SLC7A8: variants seen among roughly 807,000 people sequenced by gnomAD.
The protein encoded by SLC7A8 is solute carrier family 7 member 8.
Under a neutral mutation model 51.2 loss-of-function variants are expected in SLC7A8, and 30 were observed. That is an observed-to-expected ratio of 0.59 (90% CI 0.44 to 0.80). SLC7A8 has a LOEUF of 0.80. SLC7A8 is among the 30% of genes least tolerant of loss of function. The pLI is 0.00. For synonymous variants in SLC7A8, 257 were observed against 275.8 expected, an observed-to-expected ratio of 0.93 and a Z score of 0.67; for missense variants, 612 against 674.4, an observed-to-expected ratio of 0.91 and a Z score of 1.03.
intron 4 of SLC7A8, 61 bp downstream of exon 4, chr14:23,143,018 A>C: frequency 6.3e-7 from 1 of 1,589,400 alleles, no homozygotes; most frequent in Non-Finnish European, 8.6e-7. Context: ...CTGGGCTGAG[A>C]GGGTGTGTAC....
chr14:23,133,074 C>G (rs1348900388), intron 7 of SLC7A8, among the ~76,000 whole-genome samples: 4 of 152,298 alleles, frequency 2.6e-5, no homozygotes, highest in South Asian at 2.1e-4. Context: ...CCACGCCCAG[C>G]CTGCATATTT....
At chr14:23,179,816 A>G (rs72684352) in intron 1 of SLC7A8, among the ~76,000 whole-genome samples, 4,270 of 152,234 alleles carry the variant, frequency 0.028, 83 homozygotes, top group Non-Finnish European at 0.046. Flanking sequence ...TCTCAGAAAA[A>G]AAAGAAAGAA....
chr14:23,134,367 G>A (rs939427545), intron 7 of SLC7A8, among the ~76,000 whole-genome samples: 8 of 146,834 alleles, frequency 5.4e-5, no homozygotes, highest in Non-Finnish European at 1.0e-4. Context: ...AGCCTGGGAG[G>A]TTGAGGCTGC....
intron 1 of SLC7A8, among the ~76,000 whole-genome samples, chr14:23,170,433 T>C (rs2048970076): frequency 6.6e-6 from 1 of 152,138 alleles, no homozygotes; most frequent in African/African-American, 2.4e-5. Context: ...TCTTCCTTCC[T>C]TCCTTCCTGT....
intron 3 of SLC7A8, among the ~76,000 whole-genome samples, chr14:23,152,052 A>AAAAAC (rs578246144): frequency 3.7e-4 from 57 of 152,206 alleles, no homozygotes; most frequent in African/African-American, 1.3e-3. Context: ...AAAACAAAAC[A>AAAAAC]AAAACAAAAC....
At chr14:23,146,228 C>T (rs957801038) in intron 3 of SLC7A8, among the ~76,000 whole-genome samples, 1 of 152,158 alleles carries the variant, frequency 6.6e-6, no homozygotes, top group African/African-American at 2.4e-5. Context: ...CCATAAGCCT[C>T]AGGGATAGGT....
chr14:23,150,232 C>T (rs1038784759), intron 3 of SLC7A8, among the ~76,000 whole-genome samples: 4 of 152,160 alleles, frequency 2.6e-5, no homozygotes, highest in African/African-American at 9.7e-5. Flanking sequence ...TCCCTGCAAT[C>T]GTCCAGAGCT....
intron 10 of SLC7A8, 77 bp from the exon 11 acceptor site, chr14:23,127,420 C>G (rs1443299563): frequency 6.5e-6 from 10 of 1,534,614 alleles, no homozygotes; most frequent in Admixed American, 3.5e-5. Flanking sequence ...CCGGCCCTTC[C>G]TGGCTCTCCT....
rs755657768 is a variant in SLC7A8, at chr14:23,129,816, A to G, written c.1114-17T>C. The G allele has an allele frequency of 3.1e-6, 5 of 1,613,464 alleles. No individual in the cohort carries two copies. In the African/African-American group the frequency reaches 5.3e-5, roughly 17 times the overall value. ...GGAGATGCACTGGGAAAGTGGGAGG[A>G]GCTCATCAGTGATCCGAAAGATATT... On this transcript the variant is annotated splice_polypyrimidine_tract_variant and intron_variant, in intron 8 of 10. Coordinates refer to ENST00000316902, the MANE Select transcript of SLC7A8 (RefSeq NM_012244.4).
chr14:23,167,747 A>G (rs773963554), intron 1 of SLC7A8, among the ~76,000 whole-genome samples: 1 of 152,116 alleles, frequency 6.6e-6, no homozygotes, highest in Non-Finnish European at 1.5e-5. Context: ...GCAGAGACCA[A>G]ATGGATCCAG....
intron 1 of SLC7A8, among the ~76,000 whole-genome samples, chr14:23,182,324 A>G (rs116355360): frequency 1.5e-3 from 229 of 152,316 alleles, no homozygotes; most frequent in African/African-American, 5.3e-3. Context: ...CCATAGTTTC[A>G]TTTAACATAA....
intron 3 of SLC7A8, among the ~76,000 whole-genome samples, chr14:23,156,712 C>A (rs2048895272): frequency 6.6e-6 from 1 of 152,214 alleles, no homozygotes; most frequent in African/African-American, 2.4e-5. Context: ...CTCTACCACA[C>A]CTGGTGGAAG....
chr14:23,140,548 A>T lies in SLC7A8; in HGVS notation c.711T>A (p.Ala237=), dbSNP rs200228897. 1 of 1,614,186 alleles carries T rather than the reference A, an allele frequency of 6.2e-7. No individual in the cohort carries two copies. The highest frequency in any genetic ancestry group is 8.5e-7 in the Non-Finnish European group (1 of 1,180,006). Residue 237 remains alanine (A), a synonymous_variant, in exon 5 of 11, where the codon GCT becomes GCA. Coordinates refer to ENST00000316902, the MANE Select transcript of SLC7A8 (RefSeq NM_012244.4). ...QEPDIGLVAL[A]FLQGSFAYGG... ...CATAGGCAAAGGAGCCCTGAAGGAA[A>T]GCCAGTGCGACGAGGCCGATGTCAG...
At chr14:23,180,903 TGTA>T (rs1341410219) in intron 1 of SLC7A8, among the ~76,000 whole-genome samples, 2 of 152,084 alleles carry the variant, frequency 1.3e-5, no homozygotes, top group African/African-American at 4.8e-5. Context: ...GGTGGGCGCC[TGTA>T]GTCCCAGCTA....
chr14:23,132,599 C>A (rs982858394), intron 7 of SLC7A8, among the ~76,000 whole-genome samples: 4 of 151,722 alleles, frequency 2.6e-5, no homozygotes, highest in Non-Finnish European at 5.9e-5. Flanking sequence ...AACAAAAAAA[C>A]CCCCACAAAA....
At chr14:23,137,480 C>T (rs1594821234) in intron 7 of SLC7A8, among the ~76,000 whole-genome samples, 1 of 152,172 alleles carries the variant, frequency 6.6e-6, no homozygotes, top group East Asian at 1.9e-4. Context: ...GGAGGCCAGA[C>T]CCAGAGGCCC....
rs1323448621 is a variant in SLC7A8 at position 23,128,171 on chromosome 14, T to C, written c.1289A>G (p.Tyr430Cys). Residue 430 changes from tyrosine to cysteine, a missense_variant, in exon 10 of 11, where the codon TAC (tyrosine) becomes TGC (cysteine). Transcript: ENST00000316902. This position sits in a 1 kb window ranked among gnomAD's most constrained non-coding sequence, Gnocchi z 4.3. ...IKINLLFPIIYLLFWAFLLVF... is the reference protein window; with the variant it reads ...IKINLLFPIICLLFWAFLLVF... Reference sequence around the variant, plus strand: ...CAGCAGGAAGGCCCAGAACAGCAAGTAGATGATGGGGAACAGCAGGTTGAT... The same window carrying C: ...CAGCAGGAAGGCCCAGAACAGCAAGCAGATGATGGGGAACAGCAGGTTGAT... 2 of 1,613,884 alleles carry C rather than the reference T, an allele frequency of 1.2e-6. No homozygotes were observed. Among genetic ancestry groups the C allele is most frequent in the Non-Finnish European group, 1.7e-6 (2 of 1,179,970 alleles).
intron 1 of SLC7A8, among the ~76,000 whole-genome samples, chr14:23,179,904 G>A (rs1382114258): frequency 1.3e-4 from 18 of 137,450 alleles, no homozygotes; most frequent in Admixed American, 1.3e-3. Context: ...TTCTCTTTTT[G>A]ACTTTTTTTT....
At chr14:23,143,869 T>C (rs2048767198) in intron 3 of SLC7A8, among the ~76,000 whole-genome samples, 2 of 152,358 alleles carry the variant, frequency 1.3e-5, no homozygotes, top group South Asian at 4.1e-4. Context: ...TATAGCTTTG[T>C]CTTTTTCAAA....
Sources: allele counts gnomAD v4.1 joint callset (sites outside exome capture counted in the v4.1 genomes callset), GRCh38; gene constraint gnomAD v4.1.1; non-coding constraint Gnocchi (gnomAD v3.1); transcripts MANE v1.5; gene names NCBI Gene and HGNC (gene_info 2026-07-23, HGNC 2026-07-21).